Variants in CPVL observed in about 807,000 individuals in gnomAD.
CPVL encodes probable serine carboxypeptidase CPVL.
A neutral mutation model predicts 63.7 loss-of-function variants in CPVL; 51 were observed. The ratio of observed to expected loss-of-function variants is 0.80; its 90% CI spans 0.64 to 1.01. The LOEUF (loss-of-function observed/expected upper bound fraction) is 1.01, where lower values mean the gene tolerates loss of function less well. Ranked by LOEUF, CPVL falls within the 50% of genes least tolerant of loss-of-function variation. The pLI is 0.00. For missense variants in CPVL, 530 were observed against 573.1 expected (o/e 0.92, Z 0.77); for synonymous variants, 195 against 206.0 (o/e 0.95, Z 0.46).
chr7:29,185,037 G>A (rs1798543155), intron 3 of CPVL, among the ~76,000 whole-genome samples: 1 of 152,036 alleles, frequency 6.6e-6, no homozygotes. Flanking sequence ...CCAAGCTGAG[G>A]GTTTTATTTT....
At chr7:29,111,416 G>A (rs1788213639) in intron 3 of CPVL, among the ~76,000 whole-genome samples, 1 of 152,174 alleles carries the variant, frequency 6.6e-6, no homozygotes, top group African/African-American at 2.4e-5. Context: ...AGGGTGCTCA[G>A]GCTCCAGTGC....
rs753800032 is a variant in CPVL, at chr7:29,064,275, G to T, written c.964-41C>A. ...TTGGAAAGACATAGGGAACATGATTGGTGGCAGGAACAGTATGTTGGGAAA... is the reference window on the plus strand; with the variant it reads ...TTGGAAAGACATAGGGAACATGATTTGTGGCAGGAACAGTATGTTGGGAAA... On this transcript the variant is annotated intron_variant, in intron 10 of 12. Coordinates refer to ENST00000265394, the MANE Select transcript of CPVL (RefSeq NM_031311.5). 5.8e-5 allele frequency: 75 copies of T among 1,291,200 alleles called. 1 individual carries two copies. The highest frequency in any genetic ancestry group is 7.5e-5 in the Non-Finnish European group (67 of 897,092). The allele number at this position is 1,291,200 out of a possible 1,614,324, so 80.0% of individuals were successfully genotyped here. A position where few individuals can be genotyped will look rare whatever the true frequency, so the allele number is the denominator to read the frequency against.
chr7:29,182,785 A>G lies in CPVL; in HGVS notation c.-133-1373T>C, dbSNP rs143903938. 5.5e-3 allele frequency among the ~76,000 whole-genome samples: 835 copies of G among 152,332 alleles called. 12 individuals are homozygous for G. Among genetic ancestry groups the G allele is most frequent in the African/African-American group, 0.019 (771 of 41,580 alleles). On this transcript the variant is annotated intron_variant, in intron 4 of 16. Coordinates refer to the CPVL transcript ENST00000409850. ...CCCAAGGAGAATTGGAGGTAGGCTT[A>G]TAGGAAATTAAATTCCTTGGACAGG...
At chr7:29,188,313 G>T (rs1336647233) in intron 1 of CPVL, among the ~76,000 whole-genome samples, 1 of 152,084 alleles carries the variant, frequency 6.6e-6, no homozygotes, top group Non-Finnish European at 1.5e-5. Context: ...TTTGCTCAGG[G>T]TCACACAGCT....
At chr7:29,081,177 C>G (rs1784674756) in intron 7 of CPVL, among the ~76,000 whole-genome samples, 1 of 152,208 alleles carries the variant, frequency 6.6e-6, no homozygotes, top group Admixed American at 6.5e-5. Flanking sequence ...GTGTCCGTGC[C>G]TCAAGAACAA....
At chr7:29,036,029 T>G (rs1056486091) in intron 11 of CPVL, among the ~76,000 whole-genome samples, 3 of 152,250 alleles carry the variant, frequency 2.0e-5, no homozygotes, top group Admixed American at 2.0e-4. Context: ...TGCTGTTCTT[T>G]CTTCACCCCA....
intron 7 of CPVL, 146 bp from the exon 8 acceptor site, chr7:29,072,569 A>G (rs775084230): frequency 4.7e-5 from 40 of 845,332 alleles, no homozygotes; most frequent in Non-Finnish European, 6.8e-5. Context: ...TATAGATTCC[A>G]TAATAGCAAA....
chr7:29,157,365 T>C (rs183095046), intron 5 of CPVL, among the ~76,000 whole-genome samples: 2 of 152,230 alleles, frequency 1.3e-5, no homozygotes, highest in East Asian at 1.9e-4. Context: ...TTTAGGGCAC[T>C]ACATAGCTTG....
At chr7:29,042,812 A>C (rs1192943394) in intron 11 of CPVL, among the ~76,000 whole-genome samples, 1 of 152,196 alleles carries the variant, frequency 6.6e-6, no homozygotes, top group Non-Finnish European at 1.5e-5. Flanking sequence ...GAGAAATGCT[A>C]AACAGCCTGC....
intron 1 of CPVL, among the ~76,000 whole-genome samples, chr7:29,188,212 T>C (rs17157615): frequency 0.071 from 10,786 of 152,268 alleles, 512 homozygotes; most frequent in East Asian, 0.25. Flanking sequence ...TTAGACACTA[T>C]ATTACATCTA....
At position 29,094,294 on chromosome 7, in the gene CPVL, T is replaced by C. The variant is rs543058418; in HGVS notation, c.462+790A>G. On this transcript the variant is annotated intron_variant, in intron 5 of 12. Coordinates refer to ENST00000265394, the MANE Select transcript of CPVL (RefSeq NM_031311.5). ...AAGTGGAGGTTGCAGTGAGCTGAGA[T>C]GGTGCAACTGCACTCCAGTCTGGGT... Among the ~76,000 whole-genome samples the C allele has an allele frequency of 2.3e-3, 356 of 151,690 alleles. 1 individual carries two copies. Among genetic ancestry groups the C allele is most frequent in the African/African-American group, 8.0e-3 (330 of 41,360 alleles).
chr7:29,109,789 A>G (rs1032193639), intron 3 of CPVL, among the ~76,000 whole-genome samples: 6 of 152,196 alleles, frequency 3.9e-5, no homozygotes, highest in Non-Finnish European at 8.8e-5. Context: ...TTATGGCTAC[A>G]GTACTGGACT....
intron 12 of CPVL, among the ~76,000 whole-genome samples, chr7:29,019,310 C>A (rs1786725526): frequency 6.6e-6 from 1 of 152,180 alleles, no homozygotes; most frequent in Non-Finnish European, 1.5e-5. Flanking sequence ...AGTGTCCAAT[C>A]CTTAAAATGG....
intron 5 of CPVL, among the ~76,000 whole-genome samples, chr7:29,155,248 G>A (rs961285712): frequency 9.9e-5 from 15 of 152,090 alleles, no homozygotes; most frequent in Admixed American, 3.3e-4. Flanking sequence ...AACTTGGGTT[G>A]CACCATTTCA....
chr7:29,063,061 A>C (rs1055790713), intron 11 of CPVL, among the ~76,000 whole-genome samples: 1 of 152,088 alleles, frequency 6.6e-6, no homozygotes, highest in African/African-American at 2.4e-5. Flanking sequence ...AATAATACAC[A>C]GGCTGACTTT....
intron 9 of CPVL, among the ~76,000 whole-genome samples, chr7:29,070,833 C>G (rs1315199584): frequency 2.6e-5 from 4 of 152,228 alleles, no homozygotes; most frequent in African/African-American, 9.6e-5. Context: ...ATCCTCTACC[C>G]TTTTCTCCAA....
At chr7:29,126,859 CAG>C (rs1402366990) in intron 1 of CPVL, 1 of 152,142 alleles carries the variant, frequency 6.6e-6, no homozygotes, top group Non-Finnish European at 1.5e-5. Flanking sequence ...ATTTAAGGGA[CAG>C]AGTCTCACTA....
chr7:29,127,164 A>G (rs563074539), intron 1 of CPVL, among the ~76,000 whole-genome samples: 3 of 152,358 alleles, frequency 2.0e-5, no homozygotes, highest in South Asian at 2.1e-4. Flanking sequence ...CTGACACCAC[A>G]GTCTAGAGCT....
At chr7:29,037,905 C>T (rs1157106920) in intron 11 of CPVL, among the ~76,000 whole-genome samples, 1 of 152,168 alleles carries the variant, frequency 6.6e-6, no homozygotes, top group African/African-American at 2.4e-5. Flanking sequence ...ATTTTCTCCT[C>T]TAAATAGTGG....
Sources: gnomAD v4.1 joint callset for allele counts (sites outside exome capture counted in the v4.1 genomes callset) on GRCh38, gnomAD v4.1.1 for gene constraint, MANE v1.5 for transcripts, NCBI Gene and HGNC (gene_info 2026-07-23, HGNC 2026-07-21) for gene names.